The following EFHC2 variants were observed in gnomAD, a reference collection of about 807,000 sequenced individuals.
EFHC2 encodes EF-hand domain-containing family member C2.
EFHC2 carries 18 observed loss-of-function variants against 52.7 expected under a neutral mutation model. The ratio of observed to expected loss-of-function variants is 0.34; its 90% CI spans 0.24 to 0.51. The LOEUF is 0.51. Ranked by LOEUF, EFHC2 falls within the 20% of genes least tolerant of loss-of-function variation. The pLI, the probability that EFHC2 is intolerant of heterozygous loss-of-function variation, is 0.97. For missense variants in EFHC2, 513 were observed against 562.5 expected (o/e 0.91, Z 0.89); for synonymous variants, 203 against 204.1 (o/e 0.99, Z 0.04).
chrX:44,223,992 T>C (rs1029588315), intron 11 of EFHC2, among the ~76,000 whole-genome samples: 1 of 112,088 alleles, frequency 8.9e-6, no homozygotes, highest in Non-Finnish European at 1.9e-5. Context: ...ATCATTACCA[T>C]GTTCTAAGCA....
At chrX:44,201,456 G>C (rs1460928470) in intron 11 of EFHC2, among the ~76,000 whole-genome samples, 1 of 111,011 alleles carries the variant, frequency 9.0e-6, no homozygotes, top group Non-Finnish European at 1.9e-5. Flanking sequence ...GTTAAAATTT[G>C]GTTGTTTAAA....
At chrX:44,161,571 C>T (rs1057185015) in intron 14 of EFHC2, among the ~76,000 whole-genome samples, 1 of 111,620 alleles carries the variant, frequency 9.0e-6, no homozygotes, top group African/African-American at 3.3e-5. Context: ...ACTGGTCAAC[C>T]CAACTGGAGG....
intron 2 of EFHC2, among the ~76,000 whole-genome samples, chrX:44,296,980 T>C (rs1044254580): frequency 8.9e-6 from 1 of 112,169 alleles, no homozygotes; most frequent in East Asian, 2.8e-4. Context: ...CAAATGAGCA[T>C]TGGGATAGTC....
chrX:44,318,971 G>A (rs991794571), intron 1 of EFHC2, among the ~76,000 whole-genome samples: 33 of 108,504 alleles, frequency 3.0e-4, no homozygotes, highest in African/African-American at 1.0e-3. Context: ...GGCAGGGTGG[G>A]TTGGAAGGGG....
At chrX:44,308,450 G>A (rs1235074295) in intron 2 of EFHC2, among the ~76,000 whole-genome samples, 34 of 111,400 alleles carry the variant, frequency 3.1e-4, no homozygotes, top group African/African-American at 1.1e-3. Context: ...CTCTTCAATA[G>A]TTTTTTCTTA....
chrX:44,220,294 C>T (rs1240432305), intron 11 of EFHC2, among the ~76,000 whole-genome samples: 1 of 111,773 alleles, frequency 8.9e-6, no homozygotes, highest in Non-Finnish European at 1.9e-5. Context: ...GATCTGGTTT[C>T]CCTCCTTCTT....
intron 1 of EFHC2, among the ~76,000 whole-genome samples, chrX:44,326,777 G>A (rs1233725151): frequency 1.1e-5 from 1 of 94,957 alleles, no homozygotes; most frequent in South Asian, 5.2e-4. Flanking sequence ...AGCCCAGGCT[G>A]GAGTGCAGTG....
At chrX:44,251,237 T>TTA (rs2037443465) in intron 4 of EFHC2, among the ~76,000 whole-genome samples, 1 of 16,495 alleles carries the variant, frequency 6.1e-5, no homozygotes, top group African/African-American at 4.1e-4. Context: ...AGACTCCATC[T>TTA]CAAAAAAAAA....
intron 2 of EFHC2, among the ~76,000 whole-genome samples, chrX:44,302,602 T>A (rs1194944840): frequency 2.7e-5 from 3 of 112,426 alleles, no homozygotes; most frequent in Admixed American, 9.4e-5. Flanking sequence ...AATGCATAGT[T>A]GAGAATTTGG....
At chrX:44,321,065 A>G (rs1291179073) in intron 1 of EFHC2, among the ~76,000 whole-genome samples, 2 of 111,939 alleles carry the variant, frequency 1.8e-5, no homozygotes, top group African/African-American at 6.5e-5. Context: ...AGTGGCCTAG[A>G]CCAGGTTAAT....
chrX:44,223,173 G>T (rs1200043675), intron 11 of EFHC2, among the ~76,000 whole-genome samples: 2 of 112,402 alleles, frequency 1.8e-5, no homozygotes, highest in Non-Finnish European at 3.8e-5. Context: ...CTACCAATCA[G>T]GGAAGCTTAC....
Position 44,210,368 on chromosome X carries a change from T to C in EFHC2, c.1751+19281A>G, listed in dbSNP as rs184943925. ...CAAAAGAAAATACAAAGATCCAGTA[T>C]AGAGCCAAAATAACTTTGAAAAAGA... On this transcript the variant is annotated intron_variant, in intron 11 of 14. Coordinates refer to ENST00000420999, the MANE Select transcript of EFHC2 (RefSeq NM_025184.4). Among the ~76,000 whole-genome samples, 5 of 112,408 alleles carry C rather than the reference T, an allele frequency of 4.4e-5. No individual in the cohort carries two copies. The East Asian group carries it at 1.1e-3, about 25-fold the overall frequency.
In EFHC2 at chrX:44,172,322, T is replaced by C. The variant is rs5952514; in HGVS notation, c.2042+3970A>G. 8.9e-3 allele frequency among the ~76,000 whole-genome samples: 996 copies of C among 112,386 alleles called. 11 individuals carry two copies. Among genetic ancestry groups the C allele is most frequent in the African/African-American group, 0.03 (942 of 30,982 alleles). The stretch of plus-strand genomic sequence containing the variant: ...TCCCAGTCCCATGAAGAATACAGAA[T>C]GGAATGGCTTCAGAATTCCCTCTAC... On this transcript the variant is annotated intron_variant, in intron 13 of 14. Coordinates refer to ENST00000420999, the MANE Select transcript of EFHC2 (RefSeq NM_025184.4).
intron 11 of EFHC2, among the ~76,000 whole-genome samples, chrX:44,221,361 G>C (rs1602160149): frequency 9.0e-6 from 1 of 111,302 alleles, no homozygotes; most frequent in East Asian, 2.8e-4. Context: ...GCATTTTCTA[G>C]TTGACTGTCA....
chrX:44,187,327 G>C, intron 11 of EFHC2, among the ~76,000 whole-genome samples: 1 of 108,415 alleles, frequency 9.2e-6, no homozygotes. Context: ...ATGGGCATTT[G>C]TCTTTTTCTT....
At chrX:44,190,825 G>C (rs1232827836) in intron 11 of EFHC2, among the ~76,000 whole-genome samples, 1 of 110,681 alleles carries the variant, frequency 9.0e-6, no homozygotes, top group African/African-American at 3.3e-5. Flanking sequence ...AGGTGAGCTG[G>C]CATGTCTATA....
At chrX:44,243,606 C>G (rs1375791983) in intron 7 of EFHC2, among the ~76,000 whole-genome samples, 1 of 111,770 alleles carries the variant, frequency 8.9e-6, no homozygotes, top group East Asian at 2.8e-4. Context: ...TTCATATGTC[C>G]TTAGACTTCC....
At chrX:44,210,795 T>C (rs866829618) in intron 11 of EFHC2, among the ~76,000 whole-genome samples, 8 of 112,297 alleles carry the variant, frequency 7.1e-5, no homozygotes, top group Non-Finnish European at 9.4e-5. Flanking sequence ...ACAATACCAA[T>C]GCATAATCCA....
At chrX:44,197,703 T>C (rs1342294994) in intron 11 of EFHC2, among the ~76,000 whole-genome samples, 2 of 112,590 alleles carry the variant, frequency 1.8e-5, no homozygotes, top group African/African-American at 3.2e-5. Context: ...TAAACTTACA[T>C]GATTAAACAC....
Sources: gnomAD v4.1 joint callset for allele counts (sites outside exome capture counted in the v4.1 genomes callset) on GRCh38, gnomAD v4.1.1 for gene constraint, MANE v1.5 for transcripts, NCBI Gene and HGNC (gene_info 2026-07-23, HGNC 2026-07-21) for gene names.